Variants in TRAF5 observed in about 807,000 individuals in gnomAD.
TRAF5 encodes TNF receptor-associated factor 5.
In TRAF5, 48 loss-of-function variants were observed where a neutral mutation model predicts 64.5. The observed-to-expected ratio is 0.74, with a 90% CI of 0.59 to 0.95. The LOEUF is 0.95. Ranked by LOEUF, TRAF5 falls within the 40% of genes least tolerant of loss-of-function variation. TRAF5 has a pLI of 0.00. For missense variants in TRAF5, 545 were observed against 662.8 expected (o/e 0.82, Z 1.95); for synonymous variants, 206 against 240.5 (o/e 0.86, Z 1.33).
intron 1 of TRAF5, among the ~76,000 whole-genome samples, chr1:211,343,572 C>A (rs1039309473): frequency 6.6e-6 from 1 of 152,102 alleles, no homozygotes; most frequent in Non-Finnish European, 1.5e-5. Flanking sequence ...CAGGTTTGAG[C>A]CACCACACCT....
intron 1 of TRAF5, among the ~76,000 whole-genome samples, chr1:211,327,571 A>AC (rs1458763791): frequency 1.3e-5 from 2 of 151,802 alleles, no homozygotes; most frequent in African/African-American, 2.4e-5. Flanking sequence ...AGTTCTCCGT[A>AC]CCAGATGGTC....
At chr1:211,326,810 C>T (rs1300743318), upstream of TRAF5, 4 of 983,848 alleles carry the variant, frequency 4.1e-6, no homozygotes, top group Non-Finnish European at 4.8e-6. The surrounding 1 kb of genome is among the most constrained non-coding windows in gnomAD (Gnocchi z 5.0). Context: ...GCCTCCGCTT[C>T]GCCGCCGCCG....
At chr1:211,333,689 G>A (rs949603233) in intron 1 of TRAF5, among the ~76,000 whole-genome samples, 35 of 151,894 alleles carry the variant, frequency 2.3e-4, no homozygotes, top group African/African-American at 6.5e-4. Context: ...GTAGAGATGG[G>A]GTTTCACCAC....
intron 10 of TRAF5, among the ~76,000 whole-genome samples, chr1:211,371,776 A>G (rs1703531457): frequency 6.6e-6 from 1 of 152,216 alleles, no homozygotes; most frequent in South Asian, 2.1e-4. Context: ...GAGAGATGTG[A>G]TGGGATCATT....
At chr1:211,350,926 G>A (rs935835964) in intron 1 of TRAF5, among the ~76,000 whole-genome samples, 1 of 152,016 alleles carries the variant, frequency 6.6e-6, no homozygotes, top group Non-Finnish European at 1.5e-5. Context: ...GCCTGGGCTA[G>A]ACTCGAACTC....
chr1:211,358,981 G>C (rs1292766470), intron 4 of TRAF5: 1 of 151,498 alleles, frequency 6.6e-6, no homozygotes, highest in East Asian at 1.9e-4. Flanking sequence ...CTTATTATTT[G>C]TGTTACCTAG....
intron 1 of TRAF5, among the ~76,000 whole-genome samples, chr1:211,352,080 C>T (rs941457843): frequency 1.3e-5 from 2 of 152,086 alleles, no homozygotes; most frequent in Non-Finnish European, 2.9e-5. Context: ...CATAGTGAGA[C>T]CCTGTCTGTG....
rs772041862 is a variant in TRAF5 at position 211,356,423 on chromosome 1, C to T, written c.333C>T (p.Ser111=). 1 of 1,614,170 alleles carries T rather than the reference C, an allele frequency of 6.2e-7. No homozygotes were observed. Among genetic ancestry groups the T allele is most frequent in the Non-Finnish European group, 8.5e-7 (1 of 1,180,000 alleles). The part of the protein sequence containing the change: ...REVLNLYVYC[S]NAPGCNAKVI... ...TCCTCAACTTATATGTATATTGCAG[C>T]AATGCTCCTGGATGTAATGCCAAGG... The change falls in exon 4 of 11, where the codon AGC becomes AGT. Residue 111 remains serine (S), a synonymous_variant. Transcript: ENST00000261464.
chr1:211,337,087 T>C (rs77377155), intron 1 of TRAF5, among the ~76,000 whole-genome samples: 2 of 152,262 alleles, frequency 1.3e-5, no homozygotes, highest in Non-Finnish European at 1.5e-5. Context: ...ATCCTTGCTG[T>C]GCTGGAGCTT....
rs559000378 is a variant in TRAF5, at chr1:211,360,983, T to G, written c.622-105T>G. 355 of 1,210,322 alleles carry G rather than the reference T, an allele frequency of 2.9e-4. 6 individuals carry two copies. In the South Asian group the frequency reaches 4.2e-3, roughly 14 times the overall value. The allele number at this position is 1,210,322 out of a possible 1,614,324, so 75.0% of individuals were successfully genotyped here. On this transcript the variant is annotated intron_variant, in intron 6 of 10. Transcript: ENST00000261464. ...GCTCTTTCTTGCCAGGCCTCTCTCC[T>G]TCTCCTGGTCCTTGCCTTCTTCCCA...
intron 7 of TRAF5, 71 bp downstream of exon 7, chr1:211,361,233 T>G (rs1703169920): frequency 7.3e-7 from 1 of 1,370,470 alleles, no homozygotes; most frequent in Admixed American, 1.7e-5. Flanking sequence ...CAGTTTACTC[T>G]CTGTTCCATC....
chr1:211,372,418 G>C lies in TRAF5; in HGVS notation c.1390G>C (p.Val464Leu). ...GRGSHLSLYF[V>L]VMRGEFDSLL... ...GGGGTCACACCTGTCCCTATACTTTGTGGTCATGCGAGGAGAGTTTGACTC... is the reference window on the plus strand; with the variant it reads ...GGGGTCACACCTGTCCCTATACTTTCTGGTCATGCGAGGAGAGTTTGACTC... Residue 464 changes from valine (V) to leucine (L), a missense_variant, in exon 11 of 11, where the codon GTG (valine) becomes CTG (leucine). By Grantham distance (32) the Val-to-Leu change is conservative. Transcript: ENST00000261464. 1 of 1,614,160 alleles carries C rather than the reference G, an allele frequency of 6.2e-7. No homozygotes were observed. The highest frequency in any genetic ancestry group is 8.5e-7 in the Non-Finnish European group (1 of 1,180,022).
chr1:211,341,375 G>C (rs1702443957), intron 1 of TRAF5, among the ~76,000 whole-genome samples: 1 of 152,198 alleles, frequency 6.6e-6, no homozygotes, highest in African/African-American at 2.4e-5. Context: ...TAAAGGGCAG[G>C]AGGGCAGTGA....
rs757430506 is a variant in TRAF5, at chr1:211,372,350, G to A, written c.1322G>A (p.Arg441Gln). The A allele has an allele frequency of 5.0e-6, 8 of 1,614,064 alleles. No homozygotes were observed. Among genetic ancestry groups the A allele is most frequent in the Non-Finnish European group, 5.9e-6 (7 of 1,180,012 alleles). The change falls in exon 11 of 11, where the codon CGG becomes CAG. Residue 441 changes from arginine (R) to glutamine (Q), a missense_variant. Arg to Gln is a conservative substitution (Grantham distance 43). Coordinates refer to ENST00000261464, the MANE Select transcript of TRAF5 (RefSeq NM_001033910.3). ...TTCTACACCAGCCGCTGTGGCTACC[G>A]GCTCTGTGCTAGAGCATACCTGAAT... ...QSFYTSRCGY[R>Q]LCARAYLNGD...
rs1021075314 is a variant in TRAF5, at chr1:211,353,522, A to G, written c.218+65A>G. 2.0e-6 allele frequency: 3 copies of G among 1,493,990 alleles called. No homozygotes were observed. The African/African-American group carries it at 4.1e-5, about 21-fold the overall frequency. The allele number at this position is 1,493,990 out of a possible 1,614,324, so 92.5% of individuals were successfully genotyped here. The stretch of plus-strand genomic sequence containing the variant: ...TAGCATCCAGGTGGCAACTGTGGCC[A>G]CTCAACTGTTTTCATGGGTTTTGGA... On this transcript the variant is annotated intron_variant, in intron 2 of 10. Transcript: ENST00000261464.
chr1:211,350,860 C>T (rs1702763846), intron 1 of TRAF5, among the ~76,000 whole-genome samples: 1 of 152,010 alleles, frequency 6.6e-6, no homozygotes. Flanking sequence ...CATCACATGG[C>T]AGCAAGAGGG....
In TRAF5 at chr1:211,373,230, GA is replaced by G. The variant is rs1317844419; in HGVS notation, c.*532del. On this transcript the variant is annotated 3_prime_UTR_variant, in exon 11 of 11. Transcript: ENST00000261464. Reference sequence around the variant, plus strand: ...TTTTTCAGTTAAATGCTAAATATATGAAAATTACTATACCTCTAAGTATTTT... The same window carrying G: ...TTTTTCAGTTAAATGCTAAATATATGAAATTACTATACCTCTAAGTATTTT... 1 of 152,278 alleles carries G rather than the reference GA, an allele frequency of 6.6e-6. No homozygotes were observed. Among genetic ancestry groups the G allele is most frequent in the East Asian group, 1.9e-4 (1 of 5,202 alleles). The allele number at this position is 152,278 out of a possible 1,614,324, so 9.4% of individuals were successfully genotyped here.
intron 7 of TRAF5, among the ~76,000 whole-genome samples, chr1:211,363,988 G>A (rs1703268435): frequency 6.6e-6 from 1 of 151,072 alleles, no homozygotes; most frequent in Non-Finnish European, 1.5e-5. Flanking sequence ...CAAATCTCCA[G>A]TTGGTTTGTA....
intron 7 of TRAF5, 98 bp downstream of exon 7, chr1:211,361,260 A>C: frequency 3.6e-6 from 4 of 1,104,844 alleles, no homozygotes; most frequent in Non-Finnish European, 5.4e-6. Context: ...GGAGAAAGAC[A>C]TACAGTTCTG....
Sources: allele counts gnomAD v4.1 joint callset (sites outside exome capture counted in the v4.1 genomes callset), GRCh38; gene constraint gnomAD v4.1.1; non-coding constraint Gnocchi (gnomAD v3.1); transcripts MANE v1.5; gene names NCBI Gene and HGNC (gene_info 2026-07-23, HGNC 2026-07-21).